The following IL1RAPL2 variants were observed in gnomAD, a reference collection of about 807,000 sequenced individuals.
IL1RAPL2 encodes the protein interleukin 1 receptor accessory protein like 2.
A neutral mutation model predicts 44.1 loss-of-function variants in IL1RAPL2; 3 were observed. That is an observed-to-expected ratio of 0.07 (90% CI 0.03 to 0.18). IL1RAPL2 has a LOEUF of 0.18. Among genes scored for constraint, IL1RAPL2 ranks in the 10% least tolerant of loss-of-function variants. The probability of loss-of-function intolerance (pLI) is 1.00; values close to 1 mark genes in which losing one functional copy is unlikely to be tolerated. For missense variants in IL1RAPL2, 391 were observed against 496.4 expected (o/e 0.79, Z 2.02); for synonymous variants, 181 against 178.8 (o/e 1.01, Z -0.10).
intron 2 of IL1RAPL2, among the ~76,000 whole-genome samples, chrX:105,042,531 C>A (rs1336762975): frequency 9.3e-6 from 1 of 107,084 alleles, no homozygotes; most frequent in African/African-American, 3.4e-5. Flanking sequence ...CAATGAGATA[C>A]CACCTCACAC....
intron 5 of IL1RAPL2, among the ~76,000 whole-genome samples, chrX:105,379,364 GT>G (rs2035412078): frequency 9.0e-6 from 1 of 111,717 alleles, no homozygotes; most frequent in South Asian, 3.7e-4. Flanking sequence ...GTAGTAGAAA[GT>G]TAGCCTTTGA....
chrX:105,693,096 A>G (rs1466429863), intron 6 of IL1RAPL2, among the ~76,000 whole-genome samples: 1 of 111,530 alleles, frequency 9.0e-6, no homozygotes, highest in Non-Finnish European at 1.9e-5. Flanking sequence ...TTAAAAGGGT[A>G]GCGTATTCTT....
intron 2 of IL1RAPL2, among the ~76,000 whole-genome samples, chrX:104,857,903 C>A (rs1305245138): frequency 9.0e-6 from 1 of 111,251 alleles, no homozygotes; most frequent in Non-Finnish European, 1.9e-5. Flanking sequence ...AAAATCTTCA[C>A]TTTTTAAAGC....
chrX:104,696,706 T>A (rs1931188511), intron 2 of IL1RAPL2, among the ~76,000 whole-genome samples: 1 of 111,391 alleles, frequency 9.0e-6, no homozygotes. Context: ...GTAAATAAAA[T>A]GGGATTCTAC....
intron 6 of IL1RAPL2, among the ~76,000 whole-genome samples, chrX:105,620,276 A>G (rs1282022821): frequency 9.0e-6 from 1 of 111,519 alleles, no homozygotes; most frequent in Non-Finnish European, 1.9e-5. Context: ...AATGAACACT[A>G]CTATTATCCT....
chrX:105,009,359 A>T (rs369937829), intron 2 of IL1RAPL2, among the ~76,000 whole-genome samples: 1,799 of 109,874 alleles, frequency 0.016, 45 homozygotes, highest in African/African-American at 0.057. Context: ...CAAATGTCCA[A>T]CAATGATAGA....
intron 2 of IL1RAPL2, among the ~76,000 whole-genome samples, chrX:104,659,532 A>G (rs1192342738): frequency 8.9e-6 from 1 of 112,205 alleles, no homozygotes. Context: ...TCTGGCAGGC[A>G]GCCATGACTG....
intron 6 of IL1RAPL2, among the ~76,000 whole-genome samples, chrX:105,484,711 A>T (rs1175899349): frequency 9.0e-6 from 1 of 111,550 alleles, no homozygotes; most frequent in East Asian, 2.8e-4. Flanking sequence ...GTCAGCCAAA[A>T]TTTTTATTTG....
chrX:105,280,736 C>T (rs1013968519), intron 5 of IL1RAPL2, among the ~76,000 whole-genome samples: 8 of 111,389 alleles, frequency 7.2e-5, no homozygotes, highest in African/African-American at 2.3e-4. Flanking sequence ...TACCATCTCA[C>T]ACCAGTTAGA....
At chrX:105,502,567 T>C (rs905036347) in intron 6 of IL1RAPL2, among the ~76,000 whole-genome samples, 2 of 111,431 alleles carry the variant, frequency 1.8e-5, no homozygotes, top group African/African-American at 6.5e-5. Flanking sequence ...TAAATGTAAT[T>C]TGAGATTGTG....
intron 6 of IL1RAPL2, among the ~76,000 whole-genome samples, chrX:105,672,323 T>A (rs994518178): frequency 5.3e-5 from 6 of 112,384 alleles, no homozygotes; most frequent in Non-Finnish European, 9.4e-5. Context: ...GGAAATTAGC[T>A]CATTGTTGCT....
At chrX:104,674,688 G>C (rs1174620202) in intron 2 of IL1RAPL2, among the ~76,000 whole-genome samples, 2 of 109,709 alleles carry the variant, frequency 1.8e-5, no homozygotes, top group Admixed American at 9.7e-5. Context: ...GTTCCTCCTT[G>C]TACCTCTGGT....
At chrX:104,999,769 A>G (rs748627784) in intron 2 of IL1RAPL2, among the ~76,000 whole-genome samples, 4 of 111,063 alleles carry the variant, frequency 3.6e-5, no homozygotes, top group Non-Finnish European at 7.6e-5. Flanking sequence ...GGAGACGGAA[A>G]AATTTCCCCA....
intron 4 of IL1RAPL2, among the ~76,000 whole-genome samples, chrX:105,263,893 AG>A (rs1349876220): frequency 8.9e-6 from 1 of 111,806 alleles, no homozygotes; most frequent in African/African-American, 3.3e-5. Flanking sequence ...TTACACAGTG[AG>A]TTCAGTATTA....
intron 2 of IL1RAPL2, among the ~76,000 whole-genome samples, chrX:105,157,974 A>G (rs1274588818): frequency 8.9e-6 from 1 of 112,218 alleles, no homozygotes; most frequent in Non-Finnish European, 1.9e-5. Context: ...TTAAAAAAAG[A>G]GTAGAACTAT....
chrX:105,245,635 G>A (rs1037328814), intron 4 of IL1RAPL2, among the ~76,000 whole-genome samples: 7 of 112,349 alleles, frequency 6.2e-5, no homozygotes, highest in African/African-American at 2.3e-4. Context: ...GAGAGATAAG[G>A]ATTCTTTTTT....
intron 6 of IL1RAPL2, among the ~76,000 whole-genome samples, chrX:105,560,549 G>A (rs1369771287): frequency 9.0e-6 from 1 of 110,918 alleles, no homozygotes; most frequent in Non-Finnish European, 1.9e-5. Context: ...CTCCTGAGTA[G>A]CTGGGATTAC....
chrX:105,669,037 G>A lies in IL1RAPL2; in HGVS notation c.773-48330G>A, dbSNP rs1196810160. 2.7e-5 allele frequency among the ~76,000 whole-genome samples: 3 copies of A among 111,420 alleles called. No individual in the cohort carries two copies. In the Admixed American group the frequency reaches 2.9e-4, roughly 11 times the overall value. ...ACAGTCTGTGGGGTTAAAGAGGGTG[G>A]AAGGATCTCATTTTAAAATTATCTA... On this transcript the variant is annotated intron_variant, in intron 6 of 10. Transcript: ENST00000372582.
chrX:104,881,313 A>G (rs1923064382), intron 2 of IL1RAPL2, among the ~76,000 whole-genome samples: 1 of 111,783 alleles, frequency 8.9e-6, no homozygotes, highest in Admixed American at 9.5e-5. Flanking sequence ...ATATTGCTGA[A>G]TTTAATTCAG....
Sources: allele counts gnomAD v4.1 joint callset (sites outside exome capture counted in the v4.1 genomes callset), GRCh38; gene constraint gnomAD v4.1.1; transcripts MANE v1.5; gene names NCBI Gene and HGNC (gene_info 2026-07-23, HGNC 2026-07-21).